The following MYRIP variants were observed in gnomAD, a reference collection of about 807,000 sequenced individuals.
MYRIP encodes the protein rab effector MyRIP.
MYRIP carries 49 observed loss-of-function variants against 98.0 expected under a neutral mutation model. The observed-to-expected ratio is 0.50, with a 90% confidence interval of 0.40 to 0.63. The LOEUF is 0.63. Ranked by LOEUF, MYRIP falls within the 30% of genes least tolerant of loss-of-function variation. The pLI is 0.00. For synonymous variants in MYRIP, 404 were observed against 409.5 expected (o/e 0.99, Z 0.16); for missense variants, 1,004 against 1,058.2 (o/e 0.95, Z 0.71).
intron 3 of MYRIP, among the ~76,000 whole-genome samples, chr3:40,059,947 T>TAAC (rs1172252327): frequency 6.6e-6 from 1 of 152,190 alleles, no homozygotes; most frequent in African/African-American, 2.4e-5. Context: ...CCAGTCCAGA[T>TAAC]AACAAGCAAG....
intron 11 of MYRIP, among the ~76,000 whole-genome samples, chr3:40,222,603 G>A (rs182898685): frequency 4.3e-4 from 56 of 131,122 alleles, no homozygotes; most frequent in African/African-American, 1.6e-3. Flanking sequence ...TGAGGCAAAC[G>A]TGTCTTCTGA....
At chr3:39,857,066 A>T (rs1464391509) in intron 1 of MYRIP, among the ~76,000 whole-genome samples, 1 of 152,102 alleles carries the variant, frequency 6.6e-6, no homozygotes, top group Admixed American at 6.5e-5. Flanking sequence ...TAAAGAAATT[A>T]TCCAGGCATG....
chr3:40,075,712 G>A (rs2125863542), intron 3 of MYRIP, among the ~76,000 whole-genome samples: 1 of 152,202 alleles, frequency 6.6e-6, no homozygotes, highest in African/African-American at 2.4e-5. Context: ...ATAGGCCAGT[G>A]TGTAGTATGG....
At chr3:39,973,204 A>G (rs973601472) in intron 2 of MYRIP, among the ~76,000 whole-genome samples, 1 of 152,142 alleles carries the variant, frequency 6.6e-6, no homozygotes, top group African/African-American at 2.4e-5. Flanking sequence ...GGGATGGAGG[A>G]AGATCTACCA....
chr3:40,156,434 C>T (rs1360716865), intron 4 of MYRIP, among the ~76,000 whole-genome samples: 1 of 152,166 alleles, frequency 6.6e-6, no homozygotes, highest in Non-Finnish European at 1.5e-5. Context: ...TGTGATGCCT[C>T]CAGCTTTGCT....
chr3:40,014,765 T>A (rs1946825072), intron 2 of MYRIP, among the ~76,000 whole-genome samples: 1 of 152,188 alleles, frequency 6.6e-6, no homozygotes, highest in Non-Finnish European at 1.5e-5. Flanking sequence ...TACATACATT[T>A]TGTTGGATCC....
chr3:40,115,794 C>CTTT (rs375597220), intron 3 of MYRIP, among the ~76,000 whole-genome samples: 4 of 141,534 alleles, frequency 2.8e-5, no homozygotes, highest in Non-Finnish European at 6.2e-5. Flanking sequence ...GTTCACAGTT[C>CTTT]TTTTTTTTTT....
At chr3:40,176,244 A>T (rs1950754950) in intron 8 of MYRIP, among the ~76,000 whole-genome samples, 1 of 152,216 alleles carries the variant, frequency 6.6e-6, no homozygotes, top group Admixed American at 6.5e-5. Context: ...GTAAGCTACA[A>T]GTGACTATTT....
At chr3:40,134,880 T>G (rs548499740) in intron 3 of MYRIP, among the ~76,000 whole-genome samples, 1 of 152,338 alleles carries the variant, frequency 6.6e-6, no homozygotes, top group Non-Finnish European at 1.5e-5. Context: ...AAAACCCATC[T>G]GTACGTCACC....
intron 2 of MYRIP, among the ~76,000 whole-genome samples, chr3:39,997,052 A>C (rs910495699): frequency 6.6e-6 from 1 of 152,214 alleles, no homozygotes; most frequent in African/African-American, 2.4e-5. Context: ...AGGGAAATTT[A>C]TAGCACTAAA....
intron 1 of MYRIP, among the ~76,000 whole-genome samples, chr3:39,867,478 A>G (rs1051274422): frequency 1.1e-5 from 1 of 91,198 alleles, no homozygotes; most frequent in African/African-American, 5.8e-5. Flanking sequence ...AATAGCAAAA[A>G]GCTCACAAAT....
intron 11 of MYRIP, among the ~76,000 whole-genome samples, chr3:40,215,807 A>G (rs9864140): frequency 0.053 from 8,062 of 152,104 alleles, 681 homozygotes; most frequent in African/African-American, 0.18. Context: ...TCCAAACTAC[A>G]CTGATTTCAA....
intron 2 of MYRIP, among the ~76,000 whole-genome samples, chr3:40,006,924 A>T (rs1410109742): frequency 6.6e-6 from 1 of 152,064 alleles, no homozygotes; most frequent in Non-Finnish European, 1.5e-5. Flanking sequence ...GCAGTGGCAC[A>T]ATCATGGGAC....
chr3:40,169,948 A>T lies in MYRIP; in HGVS notation c.730-2A>T, dbSNP rs769375913. The T allele has an allele frequency of 1.2e-6, 2 of 1,614,168 alleles. No homozygotes were observed. The highest frequency in any genetic ancestry group is 2.2e-5 in the South Asian group (2 of 91,086). ...GCCCCTTTTTTGTCCTCCCCTCCCC[A>T]GATTATACGAAAACAGAAGAGCAAA... On this transcript the variant is annotated splice_acceptor_variant, in intron 7 of 16. Transcript: ENST00000302541. LOFTEE classifies it high-confidence loss of function.
intron 2 of MYRIP, among the ~76,000 whole-genome samples, chr3:39,938,583 C>A (rs562817932): frequency 1.3e-5 from 2 of 152,286 alleles, no homozygotes; most frequent in South Asian, 4.1e-4. Context: ...ACACTCCCAC[C>A]AGTAACATAT....
At chr3:40,003,424 G>T (rs1946565941) in intron 2 of MYRIP, among the ~76,000 whole-genome samples, 1 of 152,186 alleles carries the variant, frequency 6.6e-6, no homozygotes, top group Non-Finnish European at 1.5e-5. Flanking sequence ...TTGTATGTGG[G>T]TTGAGTCTTG....
intron 3 of MYRIP, among the ~76,000 whole-genome samples, chr3:40,067,494 G>T (rs184825763): frequency 1.4e-4 from 22 of 152,284 alleles, no homozygotes; most frequent in Admixed American, 1.4e-3. Flanking sequence ...CCAGTCGCAG[G>T]CCAAGAAGAT....
chr3:40,041,022 GAAAAAAA>G, intron 2 of MYRIP, among the ~76,000 whole-genome samples: 3 of 41,198 alleles, frequency 7.3e-5, no homozygotes, highest in South Asian at 1.1e-3. Flanking sequence ...ATTACCAGCA[GAAAAAAA>G]AAAAAAAAAA....
Position 40,190,355 on chromosome 3 carries a change from C to T in MYRIP, c.1557C>T (p.Thr519=), listed in dbSNP as rs1951168564. 1.2e-6 allele frequency: 2 copies of T among 1,613,792 alleles called. No homozygotes were observed. Among genetic ancestry groups the T allele is most frequent in the South Asian group, 2.2e-5 (2 of 91,074 alleles). The change falls in exon 10 of 17, where the codon ACC becomes ACT. Residue 519 remains threonine, a synonymous_variant. Coordinates refer to ENST00000302541, the MANE Select transcript of MYRIP (RefSeq NM_015460.4). ...GCGAGCCGGAGGAGGCCCCCCACAC[C>T]ACAGACCGGCGGGCCAGGAGGTGGA... The part of the protein sequence containing the change: ...DSSEPEEAPH[T]TDRRARRWRR...
Sources: allele counts gnomAD v4.1 joint callset (sites outside exome capture counted in the v4.1 genomes callset), GRCh38; gene constraint gnomAD v4.1.1; transcripts MANE v1.5; gene names NCBI Gene and HGNC (gene_info 2026-07-23, HGNC 2026-07-21).